Variants in KIAA0825 observed in about 807,000 individuals in gnomAD.
The protein encoded by KIAA0825 is KIAA0825.
A neutral mutation model predicts 147.6 loss-of-function variants in KIAA0825; 119 were observed. The ratio of observed to expected loss-of-function variants is 0.81; its 90% CI spans 0.69 to 0.94. The LOEUF (loss-of-function observed/expected upper bound fraction) is 0.94. KIAA0825 is among the 40% of genes least tolerant of loss of function. KIAA0825 has a pLI of 0.00. For synonymous variants in KIAA0825, 470 were observed against 518.1 expected (o/e 0.91, Z 1.26); for missense variants, 1,381 against 1,472.7 (o/e 0.94, Z 1.02).
rs189045789 is a variant in KIAA0825, at chr5:94,508,539, G to A, written c.970+11709C>T. On this transcript the variant is annotated intron_variant, in intron 5 of 20. Transcript: ENST00000682413. ...ATTTGTTTTAGAATATGAAAAAAAA[G>A]GGGGGGGAAGTAAGGAAATCCCTTA... Among the ~76,000 whole-genome samples, 844 of 149,574 alleles carry A rather than the reference G, an allele frequency of 5.6e-3. 10 individuals carry two copies. The highest frequency in any genetic ancestry group is 0.02 in the African/African-American group (778 of 39,276).
intron 16 of KIAA0825, among the ~76,000 whole-genome samples, chr5:94,401,468 G>A (rs1751366117): frequency 6.6e-6 from 1 of 152,094 alleles, no homozygotes; most frequent in South Asian, 2.1e-4. Flanking sequence ...TACAACCAGA[G>A]TCTGTAATAC....
chr5:94,221,455 G>T (rs1274183201), intron 20 of KIAA0825, among the ~76,000 whole-genome samples: 1 of 152,142 alleles, frequency 6.6e-6, no homozygotes, highest in Non-Finnish European at 1.5e-5. Context: ...TCCTTCAGCT[G>T]TCCAAGGTCA....
intron 7 of KIAA0825, among the ~76,000 whole-genome samples, chr5:94,475,783 C>T (rs1203627823): frequency 6.6e-6 from 1 of 151,724 alleles, no homozygotes; most frequent in Non-Finnish European, 1.5e-5. Flanking sequence ...CACTCCAGCA[C>T]GGGTGACAGA....
At chr5:94,403,847 C>G (rs1751702231) in intron 15 of KIAA0825, 54 bp from the exon 16 acceptor site, 2 of 1,404,450 alleles carry the variant, frequency 1.4e-6, no homozygotes, top group South Asian at 1.3e-5. Context: ...ATCAGTTGTG[C>G]CTTGCTCAAC....
At position 94,386,343 on chromosome 5, in the gene KIAA0825, C is replaced by T. The variant is rs969798883; in HGVS notation, c.3518G>A (p.Arg1173Gln). ...ACTCCTCAAGGTCGTCTTTAAAGGT[C>T]GGATGGGTAATGGCTTTTCCTCTGA... The part of the protein sequence containing the change: ...NSSEEKPLPI[R>Q]PLKTTLRSIE... The change falls in exon 19 of 21, where the codon CGA (arginine) becomes CAA (glutamine). Residue 1173 changes from arginine (R) to glutamine (Q), a missense_variant. Transcript: ENST00000682413. 17 of 1,551,636 alleles carry T rather than the reference C, an allele frequency of 1.1e-5. No individual in the cohort carries two copies. The highest frequency in any genetic ancestry group is 2.4e-5 in the East Asian group (1 of 40,874).
At chr5:94,355,307 G>A (rs1395473797) in intron 20 of KIAA0825, among the ~76,000 whole-genome samples, 6 of 152,166 alleles carry the variant, frequency 3.9e-5, no homozygotes, top group Non-Finnish European at 7.3e-5. Flanking sequence ...GTTAATAGAG[G>A]TTCTTTACAG....
chr5:94,217,289 TA>T (rs1773292090), intron 20 of KIAA0825, among the ~76,000 whole-genome samples: 1 of 152,184 alleles, frequency 6.6e-6, no homozygotes, highest in Non-Finnish European at 1.5e-5. Context: ...ATAAATAGCA[TA>T]GTGAAAAAAC....
At chr5:94,306,236 A>C (rs1213958594) in intron 20 of KIAA0825, among the ~76,000 whole-genome samples, 2 of 151,924 alleles carry the variant, frequency 1.3e-5, no homozygotes. Flanking sequence ...CTAGAAAATT[A>C]ATTATATCAC....
intron 20 of KIAA0825, among the ~76,000 whole-genome samples, chr5:94,246,931 TA>T: frequency 6.6e-6 from 1 of 152,282 alleles, no homozygotes; most frequent in South Asian, 2.1e-4. Flanking sequence ...GTGAAAGATA[TA>T]CAGTTTGGAA....
intron 20 of KIAA0825, among the ~76,000 whole-genome samples, chr5:94,166,280 T>C (rs55841810): frequency 0.018 from 2,798 of 152,302 alleles, 92 homozygotes; most frequent in African/African-American, 0.063. Context: ...TGGACTGAAC[T>C]AAATAATTAT....
chr5:94,172,035 C>T (rs1379110628), intron 20 of KIAA0825, among the ~76,000 whole-genome samples: 3 of 151,946 alleles, frequency 2.0e-5, no homozygotes, highest in East Asian at 3.9e-4. Flanking sequence ...GATTCTCAGA[C>T]GTTGGGGAAA....
intron 20 of KIAA0825, among the ~76,000 whole-genome samples, chr5:94,377,388 G>C (rs886600764): frequency 6.6e-6 from 1 of 152,198 alleles, no homozygotes; most frequent in Non-Finnish European, 1.5e-5. Flanking sequence ...ATAAGGTAAA[G>C]AGAAAAGAAG....
At chr5:94,345,701 A>AT (rs1183275515) in intron 20 of KIAA0825, among the ~76,000 whole-genome samples, 1 of 152,144 alleles carries the variant, frequency 6.6e-6, no homozygotes, top group Non-Finnish European at 1.5e-5. Context: ...ATTTCTTCAG[A>AT]TTTTTTTAAT....
chr5:94,350,178 G>A (rs545534733), intron 20 of KIAA0825, among the ~76,000 whole-genome samples: 10 of 152,154 alleles, frequency 6.6e-5, no homozygotes, highest in Non-Finnish European at 1.3e-4. Flanking sequence ...AGGAAACCTA[G>A]AAGAGATGGA....
chr5:94,356,843 G>A (rs1038561506), intron 20 of KIAA0825, among the ~76,000 whole-genome samples: 1 of 147,156 alleles, frequency 6.8e-6, no homozygotes, highest in Non-Finnish European at 1.5e-5. Flanking sequence ...TCCTGCATCA[G>A]CCTCCCGAGT....
chr5:94,325,047 T>C (rs1780546408), intron 20 of KIAA0825, among the ~76,000 whole-genome samples: 1 of 152,048 alleles, frequency 6.6e-6, no homozygotes, highest in African/African-American at 2.4e-5. Context: ...TATGCTCTCA[T>C]TGCTCTTTAA....
chr5:94,463,094 CA>C (rs1760038084), intron 11 of KIAA0825, among the ~76,000 whole-genome samples: 1 of 151,750 alleles, frequency 6.6e-6, no homozygotes, highest in African/African-American at 2.4e-5. Flanking sequence ...CCTATAGTTT[CA>C]GAAATGTTTA....
At chr5:94,474,940 T>C (rs1203733762) in intron 7 of KIAA0825, among the ~76,000 whole-genome samples, 1 of 152,062 alleles carries the variant, frequency 6.6e-6, no homozygotes, top group African/African-American at 2.4e-5. Context: ...ATACAAAAAA[T>C]TAGCCGGGCG....
intron 5 of KIAA0825, among the ~76,000 whole-genome samples, chr5:94,493,451 T>G (rs1763959041): frequency 6.6e-6 from 1 of 152,160 alleles, no homozygotes; most frequent in Non-Finnish European, 1.5e-5. Context: ...AAATATGTAT[T>G]AGAGAGGCTG....
Sources: allele counts gnomAD v4.1 joint callset (sites outside exome capture counted in the v4.1 genomes callset), GRCh38; gene constraint gnomAD v4.1.1; transcripts MANE v1.5; gene names NCBI Gene and HGNC (gene_info 2026-07-23, HGNC 2026-07-21).